The following LARGE1 variants were observed in gnomAD, a reference collection of about 807,000 sequenced individuals.
LARGE1 encodes the protein LARGE xylosyl- and glucuronyltransferase 1, also known as xylosyl- and glucuronyltransferase LARGE1.
In LARGE1, 43 loss-of-function variants were observed where a neutral mutation model predicts 87.6. The observed-to-expected ratio is 0.49, with a 90% confidence interval of 0.38 to 0.63. The LOEUF (loss-of-function observed/expected upper bound fraction) is 0.63, where lower values mean the gene tolerates loss of function less well. Ranked by LOEUF, LARGE1 falls within the 30% of genes least tolerant of loss-of-function variation. The pLI, the probability that LARGE1 is intolerant of heterozygous loss-of-function variation, is 0.00. For synonymous variants in LARGE1, 434 were observed against 394.6 expected (o/e 1.10, Z -1.18); for missense variants, 802 against 1,000.2 (o/e 0.80, Z 2.67).
chr22:33,601,677 T>G (rs892512406), intron 5 of LARGE1, among the ~76,000 whole-genome samples: 2 of 152,140 alleles, frequency 1.3e-5, no homozygotes, highest in Non-Finnish European at 2.9e-5. Flanking sequence ...AGGTGGTTAA[T>G]TGGTAGGGGA....
Position 33,910,115 on chromosome 22 carries a change from G to A in LARGE1, c.-83+9880C>T, listed in dbSNP as rs17809826. On this transcript the variant is annotated intron_variant, in intron 1 of 14. Coordinates refer to ENST00000397394, the MANE Select transcript of LARGE1 (RefSeq NM_133642.5). Reference sequence around the variant, plus strand: ...TGCTACCTCCTTTCTATTGTTGCTCGTAACTGTTCATTTAATCTTCTATTG... The same window carrying A: ...TGCTACCTCCTTTCTATTGTTGCTCATAACTGTTCATTTAATCTTCTATTG... 7.9e-3 allele frequency among the ~76,000 whole-genome samples: 1,209 copies of A among 152,184 alleles called. 8 individuals carry two copies. The highest frequency in any genetic ancestry group is 0.013 in the Non-Finnish European group (854 of 68,016).
chr22:33,785,914 C>T lies in LARGE1; in HGVS notation c.-82-24356G>A, dbSNP rs2085626130. On this transcript the variant is annotated intron_variant, in intron 1 of 14. Transcript: ENST00000397394. ...AACAAGGGGTAGATATTTAGACATG[C>T]TGTATTAAGTTGCCATAACCAGGGC... 4.6e-5 allele frequency among the ~76,000 whole-genome samples: 7 copies of T among 152,062 alleles called. 1 individual carries two copies. The South Asian group carries it at 1.4e-3, about 31-fold the overall frequency.
intron 11 of LARGE1, among the ~76,000 whole-genome samples, chr22:33,189,112 T>G (rs1303766848): frequency 6.6e-6 from 1 of 152,156 alleles, no homozygotes. Context: ...TAAGAGCATC[T>G]GAGATCCCAA....
intron 9 of LARGE1, among the ~76,000 whole-genome samples, chr22:33,360,209 A>C (rs1177576576): frequency 6.7e-6 from 1 of 149,226 alleles, no homozygotes; most frequent in Non-Finnish European, 1.5e-5. Context: ...GCTACTTGGG[A>C]GGTTCAGGCA....
At chr22:33,480,726 A>T (rs1452926590) in intron 6 of LARGE1, among the ~76,000 whole-genome samples, 2 of 152,206 alleles carry the variant, frequency 1.3e-5, no homozygotes, top group Admixed American at 6.5e-5. Flanking sequence ...GTTACTTGCA[A>T]TCTTATCACT....
At chr22:33,624,804 A>G (rs1305526486) in intron 4 of LARGE1, among the ~76,000 whole-genome samples, 3 of 152,196 alleles carry the variant, frequency 2.0e-5, no homozygotes, top group African/African-American at 7.2e-5. Context: ...GAAGAGTAGA[A>G]ACTGGGGAAG....
At chr22:33,344,677 A>G (rs925090364) in intron 9 of LARGE1, among the ~76,000 whole-genome samples, 3 of 152,162 alleles carry the variant, frequency 2.0e-5, no homozygotes, top group Admixed American at 2.0e-4. Flanking sequence ...TTGTCTGACT[A>G]CTAAGAAATG....
intron 6 of LARGE1, among the ~76,000 whole-genome samples, chr22:33,510,437 T>G (rs186771487): frequency 6.6e-6 from 1 of 152,158 alleles, no homozygotes; most frequent in East Asian, 1.9e-4. Context: ...GGAGGTAAAA[T>G]TGGAACCCAG....
the LARGE1 span, among the ~76,000 whole-genome samples, chr22:33,103,155 C>T: frequency 1.3e-5 from 2 of 151,950 alleles, no homozygotes; most frequent in African/African-American, 4.8e-5. Context: ...ATCATTCAGC[C>T]GGGTGCGTTG....
intron 2 of LARGE1, among the ~76,000 whole-genome samples, chr22:33,657,524 G>A (rs142142945): frequency 9.2e-5 from 14 of 152,128 alleles, no homozygotes; most frequent in African/African-American, 3.1e-4. Context: ...GCATAAAAGC[G>A]GCCATAGAAA....
At chr22:33,359,326 T>C (rs1487904928) in intron 9 of LARGE1, among the ~76,000 whole-genome samples, 1 of 152,188 alleles carries the variant, frequency 6.6e-6, no homozygotes, top group Admixed American at 6.5e-5. Flanking sequence ...TGACTTAACC[T>C]GTGTGATCCT....
chr22:33,268,720 C>T (rs979447799), downstream of LARGE1, among the ~76,000 whole-genome samples: 1 of 152,068 alleles, frequency 6.6e-6, no homozygotes, highest in Admixed American at 6.6e-5. Context: ...AGCCACCGCG[C>T]CCGGCCTAGT....
intron 1 of LARGE1, among the ~76,000 whole-genome samples, chr22:33,801,216 C>T (rs1276319251): frequency 6.6e-6 from 1 of 152,192 alleles, no homozygotes; most frequent in African/African-American, 2.4e-5. Flanking sequence ...CCAATTAAAA[C>T]TCTTTTTCTT....
At chr22:33,454,962 G>A (rs191986387) in intron 6 of LARGE1, among the ~76,000 whole-genome samples, 7 of 152,306 alleles carry the variant, frequency 4.6e-5, no homozygotes, top group African/African-American at 1.7e-4. Flanking sequence ...GTGGATATGA[G>A]ACTTGGGTGG....
At chr22:33,534,990 A>G (rs1203112497) in intron 6 of LARGE1, among the ~76,000 whole-genome samples, 1 of 152,218 alleles carries the variant, frequency 6.6e-6, no homozygotes, top group Non-Finnish European at 1.5e-5. Context: ...AGCACTTGGC[A>G]TATCCCAAGC....
At chr22:33,702,351 C>T (rs1206955130) in intron 2 of LARGE1, among the ~76,000 whole-genome samples, 2 of 152,216 alleles carry the variant, frequency 1.3e-5, no homozygotes, top group East Asian at 3.9e-4. Flanking sequence ...AGCCAAAAGC[C>T]AGAATCTAGC....
chr22:33,455,659 C>T (rs2068102564), intron 6 of LARGE1, among the ~76,000 whole-genome samples: 1 of 145,552 alleles, frequency 6.9e-6, no homozygotes, highest in East Asian at 2.0e-4. Context: ...GAGGCTGAGG[C>T]AGGAGAATCG....
intron 3 of LARGE1, among the ~76,000 whole-genome samples, chr22:33,646,759 G>A (rs2080627807): frequency 1.3e-5 from 2 of 152,038 alleles, no homozygotes; most frequent in South Asian, 2.1e-4. Flanking sequence ...ACGGAGTCTC[G>A]CTCTATTGCC....
At position 33,607,645 on chromosome 22, in the gene LARGE1, C is replaced by T. The variant is rs1434197099; in HGVS notation, c.492-3087G>A. Among the ~76,000 whole-genome samples, 14 of 152,022 alleles carry T rather than the reference C, an allele frequency of 9.2e-5. No homozygotes were observed. The South Asian group carries it at 2.1e-3, about 23-fold the overall frequency. On this transcript the variant is annotated intron_variant, in intron 4 of 14. Coordinates refer to ENST00000397394, the MANE Select transcript of LARGE1 (RefSeq NM_133642.5). ...GACAGGGAATACAATGAGAAAGGCA[C>T]CTTGGAGGAGGACAGTGAGTCTGGG...
Sources: gnomAD v4.1 joint callset for allele counts (sites outside exome capture counted in the v4.1 genomes callset) on GRCh38, gnomAD v4.1.1 for gene constraint, MANE v1.5 for transcripts, NCBI Gene and HGNC (gene_info 2026-07-23, HGNC 2026-07-21) for gene names.